GABRB1: variants seen among roughly 807,000 people sequenced by gnomAD.
GABRB1 encodes gamma-aminobutyric acid type A receptor subunit beta1, also known as gamma-aminobutyric acid receptor subunit beta-1.
Under a neutral mutation model 51.6 loss-of-function variants are expected in GABRB1, and 17 were observed. The observed-to-expected ratio is 0.33, with a 90% CI of 0.23 to 0.49. The LOEUF (loss-of-function observed/expected upper bound fraction) is 0.49, where lower values mean the gene tolerates loss of function less well. Ranked by LOEUF, GABRB1 falls within the 20% of genes least tolerant of loss-of-function variation. GABRB1 has a pLI of 0.99. For missense variants in GABRB1, 410 were observed against 600.6 expected (o/e 0.68, Z 3.32); for synonymous variants, 247 against 218.9 (o/e 1.13, Z -1.14).
intron 4 of GABRB1, among the ~76,000 whole-genome samples, chr4:47,248,654 C>T (rs1420347163): frequency 2.0e-5 from 3 of 151,420 alleles, no homozygotes; most frequent in African/African-American, 7.3e-5. Flanking sequence ...TTTTTGTTGG[C>T]TATTTTTAAA....
Position 47,061,985 on chromosome 4 carries a change from T to A in GABRB1, c.240+29501T>A, listed in dbSNP as rs1207859207. Among the ~76,000 whole-genome samples, 4 of 152,204 alleles carry A rather than the reference T, an allele frequency of 2.6e-5. No individual in the cohort carries two copies. The East Asian group carries it at 7.7e-4, about 29-fold the overall frequency. ...AATGACTGACATGATGCTGCCAAGA[T>A]AGATCAGTGTCATATTTATCTTCAC... On this transcript the variant is annotated intron_variant, in intron 3 of 8. Transcript: ENST00000295454.
intron 3 of GABRB1, among the ~76,000 whole-genome samples, chr4:47,125,698 G>T (rs1429918249): frequency 6.8e-6 from 1 of 147,148 alleles, no homozygotes; most frequent in Non-Finnish European, 1.5e-5. Flanking sequence ...TGGGACTACA[G>T]GCGCCTGCCA....
In GABRB1 at chr4:47,031,589, G is replaced by C; in HGVS notation, c.-63G>C. 1 of 1,396,810 alleles carries C rather than the reference G, an allele frequency of 7.2e-7. No individual in the cohort carries two copies. Among genetic ancestry groups the C allele is most frequent in the Admixed American group, 1.7e-5 (1 of 59,490 alleles). 86.5% of individuals were successfully genotyped at this position (1,396,810 alleles called of 1,614,324 possible). Reference sequence around the variant, plus strand: ...TCCATTCGGGAATTACTGCCCAGCAGCCGACTAAGTTGCATTCCTTGAATC... The same window carrying C: ...TCCATTCGGGAATTACTGCCCAGCACCCGACTAAGTTGCATTCCTTGAATC... On this transcript the variant is annotated 5_prime_UTR_variant, in exon 1 of 9. Transcript: ENST00000295454.
At chr4:47,071,352 C>A (rs1394441149) in intron 3 of GABRB1, among the ~76,000 whole-genome samples, 1 of 152,156 alleles carries the variant, frequency 6.6e-6, no homozygotes, top group African/African-American at 2.4e-5. Context: ...CCTTTGCTCC[C>A]ACATGTCAAT....
intron 5 of GABRB1, 24 bp from the exon 6 acceptor site, chr4:47,403,294 C>A (rs200451571): frequency 6.6e-5 from 106 of 1,610,652 alleles, no homozygotes; most frequent in Non-Finnish European, 8.5e-5. Flanking sequence ...CTTTGTTTAA[C>A]CGTGCTGTTT....
intron 4 of GABRB1, among the ~76,000 whole-genome samples, chr4:47,257,942 G>A (rs1722278650): frequency 6.6e-6 from 1 of 151,838 alleles, no homozygotes; most frequent in South Asian, 2.1e-4. Flanking sequence ...AGAGTATGGG[G>A]AAAAAATGAG....
chr4:47,144,996 G>A (rs1025565779), intron 3 of GABRB1, among the ~76,000 whole-genome samples: 5 of 151,772 alleles, frequency 3.3e-5, no homozygotes, highest in Non-Finnish European at 7.4e-5. Context: ...AGTGGGGATT[G>A]GGAAAGGCTT....
intron 3 of GABRB1, among the ~76,000 whole-genome samples, chr4:47,065,539 C>A (rs1426855560): frequency 3.9e-5 from 6 of 152,216 alleles, no homozygotes; most frequent in African/African-American, 7.2e-5. Flanking sequence ...GAAAAATAAA[C>A]CCTTTAGATA....
At chr4:47,217,386 A>C (rs1720594818) in intron 4 of GABRB1, among the ~76,000 whole-genome samples, 1 of 151,850 alleles carries the variant, frequency 6.6e-6, no homozygotes, top group Non-Finnish European at 1.5e-5. Context: ...TAGTATTCAC[A>C]ACAGAACCCT....
At chr4:47,303,419 T>C in intron 4 of GABRB1, among the ~76,000 whole-genome samples, 1 of 151,494 alleles carries the variant, frequency 6.6e-6, no homozygotes, top group South Asian at 2.1e-4. Flanking sequence ...ATAATGCCAA[T>C]CAAAAATATA....
At chr4:47,122,181 T>A (rs1196944361) in intron 3 of GABRB1, among the ~76,000 whole-genome samples, 3 of 152,182 alleles carry the variant, frequency 2.0e-5, no homozygotes, top group Non-Finnish European at 4.4e-5. Flanking sequence ...ATAACTGGAT[T>A]TATGCTTGAA....
intron 4 of GABRB1, among the ~76,000 whole-genome samples, chr4:47,299,410 C>T (rs1413683776): frequency 6.6e-6 from 1 of 152,026 alleles, no homozygotes; most frequent in East Asian, 1.9e-4. Flanking sequence ...ACAAATAACC[C>T]CATCAAAAAG....
At chr4:47,332,543 T>A (rs910888972) in intron 5 of GABRB1, among the ~76,000 whole-genome samples, 6 of 152,286 alleles carry the variant, frequency 3.9e-5, no homozygotes, top group Admixed American at 1.3e-4. Context: ...ATTATTCTTA[T>A]CTTTAAGATG....
At chr4:47,007,653 T>C (rs1724447670) in intron 1 of GABRB1, among the ~76,000 whole-genome samples, 1 of 152,120 alleles carries the variant, frequency 6.6e-6, no homozygotes, top group East Asian at 1.9e-4. Flanking sequence ...TGTCAACGAA[T>C]AGAAATTGTA....
intron 4 of GABRB1, among the ~76,000 whole-genome samples, chr4:47,227,831 C>T (rs1721001498): frequency 6.6e-6 from 1 of 152,118 alleles, no homozygotes; most frequent in Non-Finnish European, 1.5e-5. Flanking sequence ...ACTCTCTTTG[C>T]CTTGCAGATG....
chr4:47,357,847 CA>C (rs1169079540), intron 5 of GABRB1, among the ~76,000 whole-genome samples: 2 of 152,158 alleles, frequency 1.3e-5, no homozygotes, highest in Admixed American at 6.6e-5. Flanking sequence ...ATCTTTTAAT[CA>C]ACTCCTTTCT....
At chr4:47,311,877 T>A (rs1349054411) in intron 4 of GABRB1, among the ~76,000 whole-genome samples, 1 of 152,172 alleles carries the variant, frequency 6.6e-6, no homozygotes, top group Non-Finnish European at 1.5e-5. Context: ...GGGAGTCCAA[T>A]GCCCTCCCCG....
At chr4:47,255,852 C>T (rs936389312) in intron 4 of GABRB1, among the ~76,000 whole-genome samples, 4 of 152,172 alleles carry the variant, frequency 2.6e-5, no homozygotes, top group Non-Finnish European at 4.4e-5. Context: ...AGGGGTGATG[C>T]ACTGGGGGAC....
chr4:47,304,309 C>CT (rs1458747216), intron 4 of GABRB1, among the ~76,000 whole-genome samples: 1 of 151,938 alleles, frequency 6.6e-6, no homozygotes, highest in African/African-American at 2.4e-5. Context: ...ATTTATCTTT[C>CT]ATCTTTTTGA....
Sources: allele counts gnomAD v4.1 joint callset (sites outside exome capture counted in the v4.1 genomes callset), GRCh38; gene constraint gnomAD v4.1.1; transcripts MANE v1.5; gene names NCBI Gene and HGNC (gene_info 2026-07-23, HGNC 2026-07-21).